CIMIP4: variants seen among roughly 807,000 people sequenced by gnomAD.
CIMIP4 encodes ciliary microtubule inner protein 4.
At chr22:37,004,079 G>A in the CIMIP4 span, 1 of 1,476,296 alleles carries the variant, frequency 6.8e-7, no homozygotes. Flanking sequence ...GAGTTTCTGT[G>A]AACAAGGATG....
chr22:36,999,651 G>T, the CIMIP4 span, among the ~76,000 whole-genome samples: 1 of 150,196 alleles, frequency 6.7e-6, no homozygotes, highest in Non-Finnish European at 1.5e-5. Flanking sequence ...ACACATCAAG[G>T]ACAGGGGACT....
chr22:36,995,177 T>C, the CIMIP4 span, among the ~76,000 whole-genome samples: 3 of 152,080 alleles, frequency 2.0e-5, no homozygotes, highest in Non-Finnish European at 4.4e-5. Flanking sequence ...AGAAAATCCT[T>C]GGTAAGCTGG....
At chr22:37,001,966 A>C in the CIMIP4 span, 1 of 1,613,890 alleles carries the variant, frequency 6.2e-7, no homozygotes, top group East Asian at 2.2e-5. Context: ...TGGGACCGTC[A>C]TCCGTCCCCT....
the CIMIP4 span, among the ~76,000 whole-genome samples, chr22:36,995,843 T>C: frequency 2.6e-5 from 4 of 152,212 alleles, no homozygotes; most frequent in Non-Finnish European, 5.9e-5. Context: ...CTTTATAAAT[T>C]ACCCAGTCTC....
At chr22:37,004,883 T>C in the CIMIP4 span, among the ~76,000 whole-genome samples, 1 of 152,082 alleles carries the variant, frequency 6.6e-6, no homozygotes, top group Non-Finnish European at 1.5e-5. Context: ...AGACAGGGTT[T>C]CACCATGTTG....
At chr22:37,003,176 A>G in the CIMIP4 span, among the ~76,000 whole-genome samples, 1 of 152,264 alleles carries the variant, frequency 6.6e-6, no homozygotes, top group East Asian at 1.9e-4. Flanking sequence ...CGCAGAGTTT[A>G]TCTAAATGTG....
chr22:37,001,761 CTG>C, the CIMIP4 span: 3 of 1,383,850 alleles, frequency 2.2e-6, no homozygotes, highest in African/African-American at 2.9e-5. Flanking sequence ...TATAGGGACT[CTG>C]TACTCAAGAG....
chr22:37,006,827 A>C, the CIMIP4 span, among the ~76,000 whole-genome samples: 1 of 152,142 alleles, frequency 6.6e-6, no homozygotes, highest in African/African-American at 2.4e-5. Flanking sequence ...ATGTGGCAAA[A>C]ATGAGGGATG....
the CIMIP4 span, among the ~76,000 whole-genome samples, chr22:36,996,071 C>A: frequency 6.6e-6 from 1 of 151,970 alleles, no homozygotes; most frequent in Non-Finnish European, 1.5e-5. Context: ...CAATTCTGAC[C>A]GTCCCTATCT....
At chr22:36,994,922 G>A in the CIMIP4 span, among the ~76,000 whole-genome samples, 8 of 152,172 alleles carry the variant, frequency 5.3e-5, no homozygotes, top group South Asian at 2.1e-4. Flanking sequence ...GAGCCACTGC[G>A]CCCGGCCTGG....
the CIMIP4 span, chr22:36,991,475 A>G: frequency 3.1e-6 from 5 of 1,613,418 alleles, no homozygotes; most frequent in Admixed American, 1.7e-5. Context: ...GCAGCTCCTC[A>G]CTTACCCAGA....
At chr22:36,997,602 T>C in the CIMIP4 span, among the ~76,000 whole-genome samples, 2 of 152,174 alleles carry the variant, frequency 1.3e-5, no homozygotes, top group African/African-American at 4.8e-5. Flanking sequence ...ATCTGTCCCA[T>C]CTGGAGTTTT....
At chr22:36,992,494 T>G in the CIMIP4 span, among the ~76,000 whole-genome samples, 1 of 151,972 alleles carries the variant, frequency 6.6e-6, no homozygotes, top group Admixed American at 6.6e-5. Context: ...ATGAAACACA[T>G]AATAATTGAA....
At chr22:36,992,845 C>T in the CIMIP4 span, among the ~76,000 whole-genome samples, 1 of 150,908 alleles carries the variant, frequency 6.6e-6, no homozygotes, top group African/African-American at 2.4e-5. Flanking sequence ...GGCGCGGTGG[C>T]TCACGCCTGT....
At chr22:36,992,296 G>A in the CIMIP4 span, among the ~76,000 whole-genome samples, 1 of 152,104 alleles carries the variant, frequency 6.6e-6, no homozygotes, top group Non-Finnish European at 1.5e-5. Flanking sequence ...GCAGTGAGCC[G>A]AGATCGTGCC....
the CIMIP4 span, among the ~76,000 whole-genome samples, chr22:37,002,856 C>T: frequency 1.3e-5 from 2 of 152,278 alleles, no homozygotes; most frequent in East Asian, 3.9e-4. Flanking sequence ...CCAATACCTA[C>T]CTCCTCCCTT....
the CIMIP4 span, among the ~76,000 whole-genome samples, chr22:36,994,532 C>G: frequency 3.1e-4 from 47 of 151,830 alleles, no homozygotes; most frequent in Middle Eastern, 3.4e-3. Context: ...ATCATGCCAG[C>G]TAATTTTTGT....
chr22:36,996,828 C>T, the CIMIP4 span, among the ~76,000 whole-genome samples: 1 of 152,122 alleles, frequency 6.6e-6, no homozygotes. Context: ...AATATTAGAC[C>T]AATGGACAGA....
the CIMIP4 span, among the ~76,000 whole-genome samples, chr22:36,993,417 A>C: frequency 6.6e-6 from 1 of 152,194 alleles, no homozygotes; most frequent in Admixed American, 6.5e-5. Context: ...TAACCACTCA[A>C]AGAATAAGAG....
Sources: allele counts gnomAD v4.1 joint callset (sites outside exome capture counted in the v4.1 genomes callset), GRCh38; gene constraint gnomAD v4.1.1; transcripts MANE v1.5; gene names NCBI Gene and HGNC (gene_info 2026-07-23, HGNC 2026-07-21).